NIPBL: variants seen among roughly 807,000 people sequenced by gnomAD.
NIPBL encodes the protein NIPBL cohesin loading factor, also known as nipped-B-like protein.
A neutral mutation model predicts 321.8 loss-of-function variants in NIPBL; 19 were observed. That is an observed-to-expected ratio of 0.06 (90% CI 0.04 to 0.09). The LOEUF (loss-of-function observed/expected upper bound fraction) is 0.09. NIPBL is among the 10% of genes least tolerant of loss of function. NIPBL has a pLI of 1.00. For synonymous variants in NIPBL, 1,106 were observed against 1,114.1 expected (o/e 0.99, Z 0.14); for missense variants, 2,210 against 3,327.0 (o/e 0.66, Z 8.26).
chr5:36,939,398 T>G (rs574216746), intron 1 of NIPBL, among the ~76,000 whole-genome samples: 9 of 152,338 alleles, frequency 5.9e-5, no homozygotes, highest in Admixed American at 5.2e-4. Flanking sequence ...TCATGTAGTT[T>G]GTAGGCTTTT....
intron 2 of NIPBL, among the ~76,000 whole-genome samples, chr5:36,954,622 C>T (rs1740740411): frequency 6.6e-6 from 1 of 152,118 alleles, no homozygotes; most frequent in South Asian, 2.1e-4. Flanking sequence ...TTTTTCTCCC[C>T]ATGATCTTTG....
chr5:36,967,343 T>A lies in NIPBL; in HGVS notation c.611-3533T>A, dbSNP rs190486460. On this transcript the variant is annotated intron_variant, in intron 6 of 46. Coordinates refer to ENST00000282516, the MANE Select transcript of NIPBL (RefSeq NM_133433.4). Reference sequence around the variant, plus strand: ...ACCGTGTGTTTGACAGTATCTATCATATAATTTAAAATTCATATACCTCAC... The same window carrying A: ...ACCGTGTGTTTGACAGTATCTATCAAATAATTTAAAATTCATATACCTCAC... Among the ~76,000 whole-genome samples, 38 of 152,272 alleles carry A rather than the reference T, an allele frequency of 2.5e-4. 1 individual carries two copies. In the Middle Eastern group the frequency reaches 0.014, roughly 55 times the overall value.
At chr5:37,034,721 T>C (rs1337935771) in intron 32 of NIPBL, among the ~76,000 whole-genome samples, 1 of 152,182 alleles carries the variant, frequency 6.6e-6, no homozygotes, top group Non-Finnish European at 1.5e-5. Flanking sequence ...ATGGTAAATT[T>C]CTGATAGTGG....
At chr5:37,018,940 TA>T (rs1168462479) in intron 24 of NIPBL, among the ~76,000 whole-genome samples, 2 of 152,116 alleles carry the variant, frequency 1.3e-5, no homozygotes, top group Admixed American at 6.5e-5. Context: ...CTGTCTCTAC[TA>T]AAAATACAAA....
At chr5:36,899,896 T>C (rs1368489321) in intron 1 of NIPBL, among the ~76,000 whole-genome samples, 1 of 152,214 alleles carries the variant, frequency 6.6e-6, no homozygotes. Flanking sequence ...ATCACATTAT[T>C]ACTTCTTACA....
chr5:36,955,347 G>A, intron 2 of NIPBL, 125 bp from the exon 3 acceptor site: 1 of 799,512 alleles, frequency 1.3e-6, no homozygotes, highest in Non-Finnish European at 2.1e-6. Flanking sequence ...GGAAGAGGAG[G>A]AATGCCTTTT....
chr5:37,026,408 A>G (rs1750272564), intron 31 of NIPBL, 81 bp downstream of exon 31: 8 of 793,072 alleles, frequency 1.0e-5, no homozygotes, highest in Admixed American at 1.9e-5. Context: ...AGGAAGAGAC[A>G]ATAATGAGAT....
intron 32 of NIPBL, among the ~76,000 whole-genome samples, chr5:37,029,014 A>C (rs926041410): frequency 5.3e-5 from 8 of 152,186 alleles, no homozygotes; most frequent in Non-Finnish European, 1.2e-4. Flanking sequence ...GTAAACTCTT[A>C]GTGAAATCTA....
At chr5:37,052,016 G>T in intron 41 of NIPBL, 130 bp downstream of exon 41, 1 of 751,688 alleles carries the variant, frequency 1.3e-6, no homozygotes, top group Non-Finnish European at 2.3e-6. Flanking sequence ...TTCTAAACAT[G>T]CAACTAAGTT....
At chr5:36,909,697 T>C (rs1340702535) in intron 1 of NIPBL, among the ~76,000 whole-genome samples, 2 of 152,196 alleles carry the variant, frequency 1.3e-5, no homozygotes, top group African/African-American at 4.8e-5. Context: ...AATGGGCATA[T>C]AGTACATGCT....
In NIPBL at chr5:36,944,346, C is replaced by T. The variant is rs117369543; in HGVS notation, c.-79-9272C>T. On this transcript the variant is annotated intron_variant, in intron 1 of 46. Transcript: ENST00000282516. The stretch of plus-strand genomic sequence containing the variant: ...TGCATCTCTTCCACGTATACCTTTT[C>T]TTGATTGCTCTTTCATGTGCTTTAT... Among the ~76,000 whole-genome samples, 116 of 152,160 alleles carry T rather than the reference C, an allele frequency of 7.6e-4. No homozygotes were observed. In the East Asian group the frequency reaches 0.021, roughly 27 times the overall value.
intron 32 of NIPBL, among the ~76,000 whole-genome samples, chr5:37,028,909 G>A (rs971996824): frequency 6.6e-6 from 1 of 152,054 alleles, no homozygotes; most frequent in African/African-American, 2.4e-5. Flanking sequence ...CATGCGACTT[G>A]TATGTTTTTC....
intron 32 of NIPBL, among the ~76,000 whole-genome samples, chr5:37,032,634 G>A (rs1277059930): frequency 6.6e-6 from 1 of 152,018 alleles, no homozygotes; most frequent in Non-Finnish European, 1.5e-5. Flanking sequence ...AATTAACTGG[G>A]CATTGTGGCC....
At chr5:36,881,134 T>C (rs1745471456) in intron 1 of NIPBL, among the ~76,000 whole-genome samples, 1 of 152,014 alleles carries the variant, frequency 6.6e-6, no homozygotes, top group African/African-American at 2.4e-5. Context: ...GGTATGAAAA[T>C]AGAGTGGGAT....
At chr5:36,898,916 G>A (rs1746994339) in intron 1 of NIPBL, among the ~76,000 whole-genome samples, 1 of 151,988 alleles carries the variant, frequency 6.6e-6, no homozygotes, top group Non-Finnish European at 1.5e-5. Flanking sequence ...CTTATTCCTA[G>A]GTGGATTATA....
chr5:36,931,166 G>A (rs1205129370), intron 1 of NIPBL, among the ~76,000 whole-genome samples: 1 of 152,052 alleles, frequency 6.6e-6, no homozygotes, highest in Non-Finnish European at 1.5e-5. Flanking sequence ...TTTTTAATAA[G>A]TAGTTCAGTT....
intron 1 of NIPBL, chr5:36,886,556 A>G (rs746162400): frequency 1.1e-5 from 7 of 641,038 alleles, no homozygotes; most frequent in Admixed American, 4.6e-5. Context: ...TTCAGAGGTC[A>G]TTGGGGGAAA....
At chr5:36,917,549 T>G (rs901825417) in intron 1 of NIPBL, among the ~76,000 whole-genome samples, 5 of 152,222 alleles carry the variant, frequency 3.3e-5, no homozygotes, top group African/African-American at 1.2e-4. Context: ...ACTCATCATT[T>G]ACATTCGGTA....
intron 9 of NIPBL, among the ~76,000 whole-genome samples, chr5:36,976,806 TAAG>T (rs1252115862): frequency 6.6e-6 from 1 of 152,104 alleles, no homozygotes; most frequent in Non-Finnish European, 1.5e-5. Context: ...CAGGTACACT[TAAG>T]AAAAGCTCAT....
Sources: gnomAD v4.1 joint callset for allele counts (sites outside exome capture counted in the v4.1 genomes callset) on GRCh38, gnomAD v4.1.1 for gene constraint, MANE v1.5 for transcripts, NCBI Gene and HGNC (gene_info 2026-07-23, HGNC 2026-07-21) for gene names.